The following IGSF21 variants were observed in gnomAD, a reference collection of about 807,000 sequenced individuals.
The protein encoded by IGSF21 is immunoglobin superfamily member 21, also known as immunoglobulin superfamily member 21.
A neutral mutation model predicts 46.8 loss-of-function variants in IGSF21; 28 were observed. The ratio of observed to expected loss-of-function variants is 0.60; its 90% confidence interval spans 0.44 to 0.82. The LOEUF (loss-of-function observed/expected upper bound fraction) is 0.82. Among genes scored for constraint, IGSF21 ranks in the 40% least tolerant of loss-of-function variants. The pLI is 0.00. For synonymous variants in IGSF21, 284 were observed against 273.6 expected, an observed-to-expected ratio of 1.04 and a Z score of -0.38; for missense variants, 624 against 665.5, an observed-to-expected ratio of 0.94 and a Z score of 0.69.
chr1:18,190,926 G>A (rs977574405), intron 1 of IGSF21, among the ~76,000 whole-genome samples: 1 of 152,180 alleles, frequency 6.6e-6, no homozygotes, highest in Non-Finnish European at 1.5e-5. Context: ...GCTCGGGTGG[G>A]TGGAGGAGCT....
intron 1 of IGSF21, among the ~76,000 whole-genome samples, chr1:18,207,372 C>G (rs955304504): frequency 2.6e-5 from 4 of 152,156 alleles, no homozygotes; most frequent in Admixed American, 2.0e-4. Context: ...CCATCATATT[C>G]ATAGGTTCTG....
chr1:18,149,622 G>C (rs1455995982), intron 1 of IGSF21, among the ~76,000 whole-genome samples: 1 of 150,446 alleles, frequency 6.6e-6, no homozygotes, highest in Non-Finnish European at 1.5e-5. Flanking sequence ...AGGCCAGCCT[G>C]ACAGCTTGGC....
intron 2 of IGSF21, among the ~76,000 whole-genome samples, chr1:18,265,481 C>A (rs2084981355): frequency 6.6e-6 from 1 of 152,216 alleles, no homozygotes. Flanking sequence ...GTTGTTCATG[C>A]AGCGGCCTCC....
At chr1:18,275,463 C>T (rs2085091333) in intron 2 of IGSF21, among the ~76,000 whole-genome samples, 1 of 152,176 alleles carries the variant, frequency 6.6e-6, no homozygotes, top group Non-Finnish European at 1.5e-5. Context: ...GCCTCTCCCA[C>T]CGGGAGTGTC....
At chr1:18,340,217 A>G (rs2085817522) in intron 4 of IGSF21, among the ~76,000 whole-genome samples, 1 of 117,580 alleles carries the variant, frequency 8.5e-6, no homozygotes, top group African/African-American at 2.9e-5. Flanking sequence ...CAAGGAGGAC[A>G]AAAAAAAAAC....
intron 1 of IGSF21, among the ~76,000 whole-genome samples, chr1:18,197,074 A>G (rs1446706592): frequency 1.3e-5 from 2 of 152,194 alleles, no homozygotes; most frequent in African/African-American, 2.4e-5. Flanking sequence ...CTGAAAAATG[A>G]CTTTTCAGGC....
chr1:18,206,548 CAAAAAAA>C (rs1182210491), intron 1 of IGSF21, among the ~76,000 whole-genome samples: 1 of 78,866 alleles, frequency 1.3e-5, no homozygotes, highest in Non-Finnish European at 2.7e-5. Context: ...GACCCCGTCT[CAAAAAAA>C]AAAAAAAAAA....
At chr1:18,214,515 A>G (rs2084422784) in intron 1 of IGSF21, among the ~76,000 whole-genome samples, 1 of 152,162 alleles carries the variant, frequency 6.6e-6, no homozygotes, top group African/African-American at 2.4e-5. Context: ...AGTTGAACAT[A>G]CCTATTATAT....
intron 2 of IGSF21, among the ~76,000 whole-genome samples, chr1:18,243,105 A>G (rs2084749592): frequency 6.6e-6 from 1 of 152,184 alleles, no homozygotes; most frequent in South Asian, 2.1e-4. Flanking sequence ...GTGCCCTGCA[A>G]TGGAGCTTGA....
intron 2 of IGSF21, among the ~76,000 whole-genome samples, chr1:18,243,624 A>C (rs2084754856): frequency 6.6e-6 from 1 of 152,132 alleles, no homozygotes; most frequent in South Asian, 2.1e-4. Flanking sequence ...CCTGATACTT[A>C]ACAATAAAAC....
intron 2 of IGSF21, among the ~76,000 whole-genome samples, chr1:18,253,244 C>T (rs1186221607): frequency 6.6e-6 from 1 of 152,112 alleles, no homozygotes; most frequent in African/African-American, 2.4e-5. Flanking sequence ...GGCACCTTGC[C>T]CAGAGGGCCA....
chr1:18,156,078 C>T (rs547568570), intron 1 of IGSF21, among the ~76,000 whole-genome samples: 11 of 152,330 alleles, frequency 7.2e-5, no homozygotes, highest in Admixed American at 2.0e-4. Context: ...GGGCACCTCT[C>T]ACACGCGACA....
At chr1:18,330,438 T>C (rs2085700595) in intron 3 of IGSF21, among the ~76,000 whole-genome samples, 1 of 152,170 alleles carries the variant, frequency 6.6e-6, no homozygotes, top group African/African-American at 2.4e-5. Flanking sequence ...AAAATACAAA[T>C]TTTATTTTTT....
chr1:18,288,653 C>G (rs976034508), intron 2 of IGSF21, among the ~76,000 whole-genome samples: 7 of 152,210 alleles, frequency 4.6e-5, no homozygotes, highest in Non-Finnish European at 7.3e-5. Flanking sequence ...CTCTAACCAC[C>G]AGGAACCACA....
Position 18,233,312 on chromosome 1 carries a change from G to A in IGSF21, c.183+5302G>A, listed in dbSNP as rs542719659. Reference sequence around the variant, plus strand: ...GTGTGTTTTGTGGTGCAGATGATGCGACCTCGCCAGGTGATCGTCCCCTCT... The same window carrying A: ...GTGTGTTTTGTGGTGCAGATGATGCAACCTCGCCAGGTGATCGTCCCCTCT... On this transcript the variant is annotated intron_variant, in intron 2 of 9. Coordinates refer to ENST00000251296, the MANE Select transcript of IGSF21 (RefSeq NM_032880.5). Among the ~76,000 whole-genome samples the A allele has an allele frequency of 3.3e-5, 5 of 152,260 alleles. No homozygotes were observed. In the East Asian group the frequency reaches 5.8e-4, roughly 18 times the overall value.
At chr1:18,248,509 G>A (rs1004459033) in intron 2 of IGSF21, among the ~76,000 whole-genome samples, 1 of 152,120 alleles carries the variant, frequency 6.6e-6, no homozygotes, top group African/African-American at 2.4e-5. Flanking sequence ...GAGGGTAGGA[G>A]CTGGGAAAAT....
chr1:18,326,203 A>G (rs1442650483), intron 3 of IGSF21, among the ~76,000 whole-genome samples: 1 of 152,204 alleles, frequency 6.6e-6, no homozygotes, highest in Non-Finnish European at 1.5e-5. Flanking sequence ...TGTTGCCCCC[A>G]TATCACAGGG....
chr1:18,357,875 G>A (rs2086037878), intron 4 of IGSF21, among the ~76,000 whole-genome samples: 1 of 152,138 alleles, frequency 6.6e-6, no homozygotes, highest in Admixed American at 6.5e-5. Context: ...CCGTGCTGAT[G>A]TTAACAGCTC....
intron 3 of IGSF21, among the ~76,000 whole-genome samples, chr1:18,299,991 G>C (rs1399899341): frequency 6.6e-6 from 1 of 152,178 alleles, no homozygotes; most frequent in Non-Finnish European, 1.5e-5. Flanking sequence ...TTGGGAGGCT[G>C]AGGTGGGAGG....
Sources: gnomAD v4.1 joint callset for allele counts (sites outside exome capture counted in the v4.1 genomes callset) on GRCh38, gnomAD v4.1.1 for gene constraint, MANE v1.5 for transcripts, NCBI Gene and HGNC (gene_info 2026-07-23, HGNC 2026-07-21) for gene names.